KIF2A: variants seen among roughly 807,000 people sequenced by gnomAD.
KIF2A encodes the protein kinesin-like protein KIF2A.
A neutral mutation model predicts 100.2 loss-of-function variants in KIF2A; 22 were observed. The observed-to-expected ratio is 0.22, with a 90% CI of 0.16 to 0.31. The LOEUF is 0.31. Among genes scored for constraint, KIF2A ranks in the 10% least tolerant of loss-of-function variants. The pLI, the probability that KIF2A is intolerant of heterozygous loss-of-function variation, is 1.00. For synonymous variants in KIF2A, 268 were observed against 285.9 expected (o/e 0.94, Z 0.63); for missense variants, 495 against 898.7 (o/e 0.55, Z 5.74).
In KIF2A at chr5:62,374,569, C is replaced by A. The variant is rs1165452208; in HGVS notation, c.1911+732C>A. 2.6e-5 allele frequency among the ~76,000 whole-genome samples: 4 copies of A among 152,048 alleles called. No individual in the cohort carries two copies. The East Asian group carries it at 5.8e-4, about 22-fold the overall frequency. On this transcript the variant is annotated intron_variant, in intron 18 of 20. Transcript: ENST00000407818. ...TTTTTTTCCCTCAGATTTTTGTCTG[C>A]TATTAAAATTTGGGAAAAATTTAAA...
At chr5:62,306,566 G>C in intron 1 of KIF2A, 30 bp downstream of exon 1, 1 of 1,529,168 alleles carries the variant, frequency 6.5e-7, no homozygotes, top group Non-Finnish European at 8.8e-7. Context: ...CCGCTGGCCC[G>C]CTCGGCCCCG....
chr5:62,377,174 TAA>T (rs1491329560), intron 18 of KIF2A, among the ~76,000 whole-genome samples: 5 of 151,708 alleles, frequency 3.3e-5, no homozygotes, highest in Non-Finnish European at 5.9e-5. Flanking sequence ...AGAAATTAGT[TAA>T]GAGTTAAGTC....
chr5:62,389,255 G>A lies in KIF2A; in HGVS notation c.*3686G>A, dbSNP rs921567287. Among the ~76,000 whole-genome samples, 2 of 152,108 alleles carry A rather than the reference G, an allele frequency of 1.3e-5. No homozygotes were observed. The highest frequency in any genetic ancestry group is 1.3e-4 in the Admixed American group (2 of 15,268). On this transcript the variant is annotated 3_prime_UTR_variant, in exon 21 of 21. Transcript: ENST00000407818. The stretch of plus-strand genomic sequence containing the variant: ...AATCCCAGCACTTTGGGAGGCTGAG[G>A]CGGGTGGATTACCTGAGGTCAGTAG...
At chr5:62,366,607 G>A (rs1741081087) in intron 16 of KIF2A, 126 bp downstream of exon 16, 10 of 558,318 alleles carry the variant, frequency 1.8e-5, no homozygotes, top group South Asian at 7.1e-5. Context: ...CCAGGCGGGC[G>A]GATCACAAGG....
Position 62,363,857 on chromosome 5 carries a change from G to A in KIF2A, c.1425G>A (p.Arg475=), listed in dbSNP as rs369578416. 6.9e-5 allele frequency: 111 copies of A among 1,613,470 alleles called. No homozygotes were observed. Among genetic ancestry groups the A allele is most frequent in the African/African-American group, 1.7e-4 (13 of 74,890 alleles). ...CTTCCAGTGCGGACAGGCAAACTAGGCTTGAAGGTGCTGAAATTAATAAAA... is the reference window on the plus strand; with the variant it reads ...CTTCCAGTGCGGACAGGCAAACTAGACTTGAAGGTGCTGAAATTAATAAAA... The part of the protein sequence containing the change: ...ADTSSADRQT[R]LEGAEINKSL... Residue 475 remains arginine (R), a synonymous_variant, in exon 14 of 21, where the codon AGG becomes AGA. Coordinates refer to ENST00000407818, the MANE Select transcript of KIF2A (RefSeq NM_001098511.3).
At chr5:62,336,394 G>T (rs987067388) in intron 1 of KIF2A, among the ~76,000 whole-genome samples, 1 of 152,170 alleles carries the variant, frequency 6.6e-6, no homozygotes, top group African/African-American at 2.4e-5. Flanking sequence ...TAGAAATACA[G>T]GGGTATTCAG....
chr5:62,314,484 A>G (rs1461647546), intron 1 of KIF2A, among the ~76,000 whole-genome samples: 1 of 152,102 alleles, frequency 6.6e-6, no homozygotes, highest in Non-Finnish European at 1.5e-5. Flanking sequence ...AACAGAGACC[A>G]AGGAAGCAGA....
chr5:62,348,198 C>G (rs1334680934), intron 3 of KIF2A, 31 bp downstream of exon 3: 1 of 1,611,030 alleles, frequency 6.2e-7, no homozygotes, highest in Admixed American at 1.7e-5. Context: ...GTGCAGGACA[C>G]TGGGAGAGAG....
Position 62,372,483 on chromosome 5 carries a change from G to C in KIF2A, c.1692G>C (p.Gln564His). 1.2e-6 allele frequency: 2 copies of C among 1,613,140 alleles called. No homozygotes were observed. Among genetic ancestry groups the C allele is most frequent in the Non-Finnish European group, 1.7e-6 (2 of 1,179,360 alleles). The change falls in exon 17 of 21, where the codon CAG (glutamine) becomes CAC (histidine). Residue 564 changes from glutamine (Q) to histidine (H), a missense_variant. By Grantham distance (24) the Gln-to-His change is conservative (BLOSUM62 0). This residue lies in a region of KIF2A where 100 missense variants were observed against 138.2 expected (regional missense o/e 0.72). Transcript: ENST00000407818. ...GISPSDIPFS[Q>H]GSGSRPDLSP... is the part of the protein sequence containing the mutation. ...GTCCATCAGACATTCCCTTCTCACA[G>C]GGTAGTGGCAGTCGCCCTGATCTCT... is the stretch of plus-strand genomic sequence containing the variant.
chr5:62,365,375 G>T, intron 15 of KIF2A, 22 bp downstream of exon 15: 1 of 1,272,296 alleles, frequency 7.9e-7, no homozygotes, highest in African/African-American at 1.5e-5. Flanking sequence ...TTTATTTTTT[G>T]TTTGTTTTAT....
intron 15 of KIF2A, 105 bp downstream of exon 15, chr5:62,365,458 C>A: frequency 1.7e-6 from 1 of 605,406 alleles, no homozygotes; most frequent in Non-Finnish European, 2.8e-6. Context: ...TTGAATCCTT[C>A]TATTTTGAGT....
intron 1 of KIF2A, among the ~76,000 whole-genome samples, chr5:62,320,116 C>G (rs1408372735): frequency 1.3e-5 from 2 of 151,976 alleles, no homozygotes; most frequent in Admixed American, 6.6e-5. Flanking sequence ...ATTGTATATA[C>G]TGGAGTGTAA....
At chr5:62,306,854 C>A (rs879763961) in intron 1 of KIF2A, 88 of 364,644 alleles carry the variant, frequency 2.4e-4, no homozygotes, top group Non-Finnish European at 3.8e-4. Flanking sequence ...TCCAGCCCCC[C>A]CCCGGGGACA....
At chr5:62,363,376 G>C in intron 13 of KIF2A, 56 bp downstream of exon 13, 3 of 1,499,998 alleles carry the variant, frequency 2.0e-6, no homozygotes, top group Non-Finnish European at 2.7e-6. Flanking sequence ...TTTGGGTACA[G>C]TATAACAAAA....
In KIF2A at chr5:62,378,911, AC is replaced by A. The variant is rs1227420776; in HGVS notation, c.2013+1150del. Among the ~76,000 whole-genome samples the A allele has an allele frequency of 3.2e-4, 48 of 152,242 alleles. 1 individual carries two copies. Among genetic ancestry groups the A allele is most frequent in the Middle Eastern group, 6.8e-3 (2 of 294 alleles). ...GCCTGGGCAACAGAGTGAGAAAAAA[AC>A]AAAAACTCTAGAGTTTTAGTCAAAC... is the stretch of plus-strand genomic sequence containing the variant. On this transcript the variant is annotated intron_variant, in intron 19 of 20. Transcript: ENST00000407818.
At chr5:62,309,130 A>G (rs1561242848) in intron 1 of KIF2A, among the ~76,000 whole-genome samples, 1 of 152,228 alleles carries the variant, frequency 6.6e-6, no homozygotes, top group African/African-American at 2.4e-5. Flanking sequence ...TGATTTATAC[A>G]TTTTAATTTC....
rs369429313 is a variant in KIF2A, at chr5:62,323,150, G to A, written c.64+16614G>A. On this transcript the variant is annotated intron_variant, in intron 1 of 20. Coordinates refer to ENST00000407818, the MANE Select transcript of KIF2A (RefSeq NM_001098511.3). ...GCATGCCTGTAATCCCAGCTACTCA[G>A]CAGGCTGAGGCAGGATAATCGCTTG... is the stretch of plus-strand genomic sequence containing the variant. Among the ~76,000 whole-genome samples the A allele has an allele frequency of 5.9e-5, 9 of 151,696 alleles. No homozygotes were observed. In the East Asian group the frequency reaches 1.4e-3, roughly 23 times the overall value.
At chr5:62,375,019 A>T (rs1257032657) in intron 18 of KIF2A, among the ~76,000 whole-genome samples, 1 of 152,242 alleles carries the variant, frequency 6.6e-6, no homozygotes, top group East Asian at 1.9e-4. Context: ...ATCAAACAGC[A>T]AAATACTAAC....
intron 16 of KIF2A, 111 bp downstream of exon 16, chr5:62,366,592 G>A (rs2111968316): frequency 3.2e-6 from 2 of 628,406 alleles, no homozygotes; most frequent in South Asian, 4.2e-5. Flanking sequence ...AGCACTTTGG[G>A]AGGCCCAGGC....
Sources: gnomAD v4.1 joint callset for allele counts (sites outside exome capture counted in the v4.1 genomes callset) on GRCh38, gnomAD v4.1.1 for gene constraint, gnomAD v4.1.1 regional missense constraint, MANE v1.5 for transcripts, NCBI Gene and HGNC (gene_info 2026-07-23, HGNC 2026-07-21) for gene names.